The following NT5E variants were observed in gnomAD, a reference collection of about 807,000 sequenced individuals.
NT5E encodes 5'-nucleotidase.
A neutral mutation model predicts 55.1 loss-of-function variants in NT5E; 53 were observed. The ratio of observed to expected loss-of-function variants is 0.96; its 90% CI spans 0.77 to 1.21. The LOEUF is 1.21. Among genes scored for constraint, NT5E ranks in the 50% most tolerant of loss-of-function variants. The pLI is 0.00. For synonymous variants in NT5E, 270 were observed against 278.4 expected (o/e 0.97, Z 0.30); for missense variants, 683 against 724.3 (o/e 0.94, Z 0.65).
At chr6:85,486,497 C>T (rs1006034406) in intron 4 of NT5E, among the ~76,000 whole-genome samples, 2 of 152,084 alleles carry the variant, frequency 1.3e-5, no homozygotes, top group African/African-American at 2.4e-5. Context: ...AGGCCCCCCC[C>T]ATGCGTCCGT....
At chr6:85,466,995 A>G (rs1025707379) in intron 1 of NT5E, 65 bp from the exon 2 acceptor site, 5 of 1,449,348 alleles carry the variant, frequency 3.4e-6, no homozygotes, top group Middle Eastern at 1.7e-4. Flanking sequence ...CAGTTTTGAG[A>G]AATACTGGAC....
intron 3 of NT5E, among the ~76,000 whole-genome samples, chr6:85,479,810 C>A (rs1261164513): frequency 7.2e-5 from 11 of 152,074 alleles, no homozygotes; most frequent in African/African-American, 2.4e-4. Context: ...AGTGATAGAA[C>A]CAGAAGGTAG....
At chr6:85,464,963 G>C (rs575150424) in intron 1 of NT5E, among the ~76,000 whole-genome samples, 7 of 152,166 alleles carry the variant, frequency 4.6e-5, no homozygotes, top group Non-Finnish European at 1.0e-4. Flanking sequence ...GGTAAGCTTG[G>C]GACACTTTTG....
chr6:85,474,993 G>C (rs1253854873), intron 3 of NT5E, among the ~76,000 whole-genome samples: 2 of 152,098 alleles, frequency 1.3e-5, no homozygotes, highest in African/African-American at 4.8e-5. Flanking sequence ...TAGGGATGAG[G>C]CATATTGCCT....
rs76423429 is a variant in NT5E at position 85,488,083 on chromosome 6, C to G, written c.1104+594C>G. On this transcript the variant is annotated intron_variant, in intron 5 of 8. Transcript: ENST00000257770. ...AACCCTGGCCTTGTGTGACAGGAAC[C>G]TCTTTCACAGGCACAGAAAGACAAC... 3.3e-4 allele frequency among the ~76,000 whole-genome samples: 50 copies of G among 152,300 alleles called. No homozygotes were observed. In the East Asian group the frequency reaches 8.5e-3, roughly 26 times the overall value.
At chr6:85,451,804 G>A (rs1768864429) in intron 1 of NT5E, among the ~76,000 whole-genome samples, 1 of 152,186 alleles carries the variant, frequency 6.6e-6, no homozygotes, top group South Asian at 2.1e-4. Flanking sequence ...TTCCCCTCTG[G>A]AAACTTGGAG....
In NT5E at chr6:85,460,645, G is replaced by GA. The variant is rs1554199675; in HGVS notation, c.340-6415_340-6414insA. Among the ~76,000 whole-genome samples the GA allele has an allele frequency of 6.3e-3, 955 of 151,422 alleles. 9 individuals are homozygous for GA. The highest frequency in any genetic ancestry group is 0.022 in the African/African-American group (924 of 41,294). ...CCTGAGGCCATGTGCCAACTTCTAT[G>GA]TTTTTTTTTCCCAAAGCTCTTCCAA... On this transcript the variant is annotated intron_variant, in intron 1 of 8. Transcript: ENST00000257770.
intron 7 of NT5E, chr6:85,491,155 A>G (rs755102450): frequency 3.9e-6 from 2 of 512,534 alleles, no homozygotes; most frequent in South Asian, 2.9e-5. Context: ...CAAGTTCTCA[A>G]CCCCTCTGGG....
rs760508661 is a variant in NT5E, at chr6:85,450,138, C to T, written c.-2C>T. 3 of 1,569,092 alleles carry T rather than the reference C, an allele frequency of 1.9e-6. No homozygotes were observed. The South Asian group carries it at 3.5e-5, about 18-fold the overall frequency. ...TTCGCACCCAGTTCACGCGCCACAGCTATGTGTCCCCGAGCCGCGCGGGCG... is the reference window on the plus strand; with the variant it reads ...TTCGCACCCAGTTCACGCGCCACAGTTATGTGTCCCCGAGCCGCGCGGGCG... On this transcript the variant is annotated 5_prime_UTR_variant, in exon 1 of 9. Transcript: ENST00000257770. The surrounding 1 kb of genome is among the most constrained non-coding windows in gnomAD (Gnocchi z 4.0).
At chr6:85,490,169 G>T (rs1174730922) in intron 6 of NT5E, among the ~76,000 whole-genome samples, 1 of 152,210 alleles carries the variant, frequency 6.6e-6, no homozygotes, top group Non-Finnish European at 1.5e-5. Flanking sequence ...GGGACAGGTT[G>T]CAGGGGCACA....
chr6:85,450,273 G>T lies in NT5E; in HGVS notation c.134G>T (p.Ser45Ile). 6.2e-7 allele frequency: 1 copy of T among 1,608,878 alleles called. No individual in the cohort carries two copies. ...GTGCACAGCCGGCTGGAGCAGACCA[G>T]CGAGGACTCCAGCAAGTGCGTCAAC... Reference protein sequence around the residue: ...NDVHSRLEQTSEDSSKCVNAS... With the variant: ...NDVHSRLEQTIEDSSKCVNAS... The change falls in exon 1 of 9, where the codon AGC becomes ATC. Residue 45 changes from serine (S) to isoleucine (I), a missense_variant. Physicochemically the swap from Ser to Ile is moderately radical, Grantham distance 142. Transcript: ENST00000257770. The surrounding 1 kb of genome is among the most constrained non-coding windows in gnomAD (Gnocchi z 4.0).
chr6:85,456,952 A>C (rs1366625850), intron 1 of NT5E, among the ~76,000 whole-genome samples: 1 of 152,174 alleles, frequency 6.6e-6, no homozygotes, highest in African/African-American at 2.4e-5. Flanking sequence ...TGGGGTTTAC[A>C]AGAGATAGTA....
intron 3 of NT5E, among the ~76,000 whole-genome samples, chr6:85,478,312 T>C (rs1769476317): frequency 6.6e-6 from 1 of 152,170 alleles, no homozygotes; most frequent in Non-Finnish European, 1.5e-5. Context: ...ACAGAACGAA[T>C]GGCAGTCCAA....
Position 85,471,350 on chromosome 6 carries a change from G to A in NT5E, c.676G>A (p.Asp226Asn). The change falls in exon 3 of 9, where the codon GAT becomes AAT. Residue 226 changes from aspartate (D) to asparagine (N), a missense_variant. Coordinates refer to ENST00000257770, the MANE Select transcript of NT5E (RefSeq NM_002526.4). ...ACTGGGACATTCGGGTTTTGAAATG[G>A]ATAAACTCATCGCTCAGAAAGTGAG... ...IALGHSGFEM[D>N]KLIAQKVRGV... is the part of the protein sequence containing the mutation. 1.9e-6 allele frequency: 3 copies of A among 1,613,168 alleles called. No homozygotes were observed. The highest frequency in any genetic ancestry group is 2.5e-6 in the Non-Finnish European group (3 of 1,179,366).
intron 3 of NT5E, among the ~76,000 whole-genome samples, chr6:85,474,411 T>A (rs1769383696): frequency 6.6e-6 from 1 of 152,206 alleles, no homozygotes; most frequent in South Asian, 2.1e-4. Context: ...GCTAAGTAGA[T>A]AAATTTAGTT....
At chr6:85,464,520 G>A (rs1240523642) in intron 1 of NT5E, among the ~76,000 whole-genome samples, 3 of 152,064 alleles carry the variant, frequency 2.0e-5, no homozygotes, top group Admixed American at 1.3e-4. Context: ...TATGGGGTGG[G>A]TGTCAGGAAT....
At position 85,476,870 on chromosome 6, in the gene NT5E, G is replaced by T. The variant is rs1442753449; in HGVS notation, c.751+5445G>T. 2.0e-5 allele frequency among the ~76,000 whole-genome samples: 3 copies of T among 152,114 alleles called. No homozygotes were observed. The South Asian group carries it at 6.2e-4, about 32-fold the overall frequency. ...CCTTCTCTGCCATTCCACTGCCAGT[G>T]GATCCTGGGGTTTTTATGGGGACAG... On this transcript the variant is annotated intron_variant, in intron 3 of 8. Transcript: ENST00000257770.
At chr6:85,455,979 G>A (rs181213699) in intron 1 of NT5E, among the ~76,000 whole-genome samples, 17 of 152,196 alleles carry the variant, frequency 1.1e-4, no homozygotes, top group African/African-American at 3.9e-4. Context: ...AGATAGCTTC[G>A]GGAAGGGGGC....
intron 8 of NT5E, among the ~76,000 whole-genome samples, chr6:85,493,618 T>C (rs1769831889): frequency 6.6e-6 from 1 of 152,216 alleles, no homozygotes; most frequent in Non-Finnish European, 1.5e-5. Flanking sequence ...GAGGCAACTC[T>C]ACTTCCCCCA....
Sources: gnomAD v4.1 joint callset for allele counts (sites outside exome capture counted in the v4.1 genomes callset) on GRCh38, gnomAD v4.1.1 for gene constraint, Gnocchi (gnomAD v3.1) non-coding constraint, MANE v1.5 for transcripts, NCBI Gene and HGNC (gene_info 2026-07-23, HGNC 2026-07-21) for gene names.